Variants in TLN2 observed in about 807,000 individuals in gnomAD.
The protein encoded by TLN2 is talin 2, also known as talin-2.
In TLN2, 118 loss-of-function variants were observed where a neutral mutation model predicts 294.7. The ratio of observed to expected loss-of-function variants is 0.40; its 90% CI spans 0.34 to 0.47. The LOEUF (loss-of-function observed/expected upper bound fraction) is 0.47. Among genes scored for constraint, TLN2 ranks in the 20% least tolerant of loss-of-function variants. TLN2 has a pLI of 0.84. For missense variants in TLN2, 3,083 were observed against 3,282.2 expected (o/e 0.94, Z 1.48); for synonymous variants, 1,431 against 1,304.5 (o/e 1.10, Z -2.09).
intron 2 of TLN2, among the ~76,000 whole-genome samples, chr15:62,596,398 C>T (rs2140760700): frequency 6.6e-6 from 1 of 151,796 alleles, no homozygotes; most frequent in African/African-American, 2.4e-5. Context: ...TTAAAAATGA[C>T]ACATTATAGC....
intron 4 of TLN2, among the ~76,000 whole-genome samples, chr15:62,649,544 A>G (rs1280298285): frequency 6.6e-6 from 1 of 152,030 alleles, no homozygotes; most frequent in African/African-American, 2.4e-5. Context: ...TGCACCTTTT[A>G]CATGATTTGT....
chr15:62,835,588 G>T, intron 55 of TLN2, 149 bp from the exon 56 acceptor site: 1 of 802,534 alleles, frequency 1.2e-6, no homozygotes, highest in Non-Finnish European at 2.1e-6. Flanking sequence ...TCCCACGTGA[G>T]AAAGGTTGCT....
At chr15:62,474,732 G>C (rs1441058233) in intron 1 of TLN2, among the ~76,000 whole-genome samples, 1 of 152,138 alleles carries the variant, frequency 6.6e-6, no homozygotes, top group African/African-American at 2.4e-5. Flanking sequence ...AAATATGTTT[G>C]GTTTGCTTGT....
At chr15:62,564,070 A>G (rs1011298005) in intron 1 of TLN2, among the ~76,000 whole-genome samples, 5 of 152,234 alleles carry the variant, frequency 3.3e-5, no homozygotes, top group African/African-American at 1.2e-4. Flanking sequence ...GTTTTTAAAA[A>G]CTTACTGGTG....
intron 19 of TLN2, among the ~76,000 whole-genome samples, chr15:62,705,594 GC>G (rs1337517713): frequency 1.3e-5 from 2 of 152,076 alleles, no homozygotes; most frequent in African/African-American, 2.4e-5. Context: ...CCAAATCCTG[GC>G]CCCCCATCTG....
chr15:62,725,323 G>A (rs779923651), intron 27 of TLN2, among the ~76,000 whole-genome samples: 3 of 152,120 alleles, frequency 2.0e-5, no homozygotes, highest in Admixed American at 6.5e-5. Context: ...AGCTGTGCAC[G>A]CGTCCCATAT....
intron 1 of TLN2, among the ~76,000 whole-genome samples, chr15:62,444,691 A>G (rs1176734272): frequency 1.3e-5 from 2 of 152,236 alleles, no homozygotes; most frequent in Non-Finnish European, 2.9e-5. Context: ...ATTACTGGCT[A>G]AGGCTCTAAA....
At chr15:62,673,310 C>CTTTTTTTTTTTTTTTGTTTTTTTTTT (rs2055691204) in intron 9 of TLN2, among the ~76,000 whole-genome samples, 1 of 42,856 alleles carries the variant, frequency 2.3e-5, no homozygotes, top group Non-Finnish European at 4.3e-5. Context: ...TTAGATGTTG[C>CTTTTTTTTTTTTTTTGTTTTTTTTTT]TTTTTTTTTT....
At chr15:62,415,838 G>A (rs539872279) in intron 1 of TLN2, among the ~76,000 whole-genome samples, 1 of 152,340 alleles carries the variant, frequency 6.6e-6, no homozygotes, top group East Asian at 1.9e-4. Context: ...TAGGATCTCG[G>A]AGTTGTGGGG....
At position 62,803,039 on chromosome 15, in the gene TLN2, G is replaced by A. The variant is rs565105486; in HGVS notation, c.6477+2270G>A. Among the ~76,000 whole-genome samples the A allele has an allele frequency of 3.5e-4, 53 of 152,190 alleles. No individual in the cohort carries two copies. In the South Asian group the frequency reaches 0.01, roughly 29 times the overall value. On this transcript the variant is annotated intron_variant, in intron 50 of 58. Coordinates refer to ENST00000636159, the MANE Select transcript of TLN2 (RefSeq NM_015059.3). ...CTGTGGGTTGATTGTTTCCTTTGCT[G>A]TGCAAAAGCTTTTTAACTTGATGTA...
chr15:62,815,427 C>G (rs2067037594), intron 52 of TLN2, among the ~76,000 whole-genome samples: 1 of 152,088 alleles, frequency 6.6e-6, no homozygotes, highest in South Asian at 2.1e-4. Flanking sequence ...GATGGAGATT[C>G]CTGAGAGCTG....
chr15:62,747,443 A>G (rs1236450763), intron 32 of TLN2, among the ~76,000 whole-genome samples: 1 of 152,180 alleles, frequency 6.6e-6, no homozygotes, highest in Admixed American at 6.5e-5. Context: ...ATTTAATGGA[A>G]GGAAGAAATT....
At chr15:62,791,184 T>TC (rs546296148) in intron 45 of TLN2, among the ~76,000 whole-genome samples, 23 of 145,650 alleles carry the variant, frequency 1.6e-4, no homozygotes, top group African/African-American at 4.5e-4. Flanking sequence ...CCGTCTCTAC[T>TC]AAAAAAAAAA....
At chr15:62,595,203 T>C (rs180786188) in intron 2 of TLN2, among the ~76,000 whole-genome samples, 363 of 152,088 alleles carry the variant, frequency 2.4e-3, no homozygotes, top group South Asian at 4.6e-3. Context: ...GGGGGATCAC[T>C]TGAGGTCAGG....
intron 57 of TLN2, 128 bp from the exon 58 acceptor site, chr15:62,838,728 C>A: frequency 7.9e-7 from 1 of 1,268,712 alleles, no homozygotes; most frequent in African/African-American, 1.6e-5. Context: ...TCTCTGGCTA[C>A]AGAACTTGAT....
rs965796714 is a variant in TLN2 at position 62,448,951 on chromosome 15, G to T, written c.-238+58266G>T. 7.9e-5 allele frequency among the ~76,000 whole-genome samples: 12 copies of T among 152,154 alleles called. 1 individual carries two copies. The highest frequency in any genetic ancestry group is 2.7e-4 in the African/African-American group (11 of 41,416). ...AGGGCATTAGTTGCATAATTTTGCA[G>T]GGCAACTGGCTTCTTATTCCTTTTG... On this transcript the variant is annotated intron_variant, in intron 1 of 58. Coordinates refer to ENST00000636159, the MANE Select transcript of TLN2 (RefSeq NM_015059.3).
chr15:62,549,480 G>GCATCCATGCATCCATCCATCCATCCATC (rs1555427562), intron 1 of TLN2, among the ~76,000 whole-genome samples: 12 of 147,862 alleles, frequency 8.1e-5, no homozygotes, highest in African/African-American at 2.8e-4. Flanking sequence ...TGCATGCCAT[G>GCATCCATGCATCCATCCATCCATCCATC]CATCCATCCA....
At chr15:62,815,177 T>TCTCACACACA (rs1349363288) in intron 52 of TLN2, among the ~76,000 whole-genome samples, 36 of 140,686 alleles carry the variant, frequency 2.6e-4, no homozygotes, top group African/African-American at 8.0e-4. Flanking sequence ...ATTCTGTCTG[T>TCTCACACACA]CACACACACA....
At chr15:62,659,704 A>T (rs369120204) in intron 9 of TLN2, among the ~76,000 whole-genome samples, 8 of 152,208 alleles carry the variant, frequency 5.3e-5, no homozygotes, top group East Asian at 3.8e-4. Context: ...CTGTACCCTT[A>T]TTCAGATTCC....
Sources: allele counts gnomAD v4.1 joint callset (sites outside exome capture counted in the v4.1 genomes callset), GRCh38; gene constraint gnomAD v4.1.1; transcripts MANE v1.5; gene names NCBI Gene and HGNC (gene_info 2026-07-23, HGNC 2026-07-21).